Variants in RBMS3 observed in about 807,000 individuals in gnomAD.
The protein encoded by RBMS3 is RNA binding motif single stranded interacting protein 3.
A neutral mutation model predicts 66.8 loss-of-function variants in RBMS3; 27 were observed. The observed-to-expected ratio is 0.40, with a 90% CI of 0.30 to 0.56. RBMS3 has a LOEUF of 0.56. Among genes scored for constraint, RBMS3 ranks in the 20% least tolerant of loss-of-function variants. The probability of loss-of-function intolerance (pLI) is 0.40; values close to 1 mark genes in which losing one functional copy is unlikely to be tolerated. For missense variants in RBMS3, 513 were observed against 549.5 expected (o/e 0.93, Z 0.66); for synonymous variants, 188 against 183.0 (o/e 1.03, Z -0.22).
intron 5 of RBMS3, among the ~76,000 whole-genome samples, chr3:29,753,594 A>G (rs1008361320): frequency 6.6e-6 from 1 of 152,222 alleles, no homozygotes; most frequent in Non-Finnish European, 1.5e-5. Context: ...GTGACTTGTC[A>G]GCCATTGCAC....
intron 1 of RBMS3, among the ~76,000 whole-genome samples, chr3:29,315,940 G>A (rs1376368671): frequency 1.3e-5 from 2 of 151,590 alleles, no homozygotes; most frequent in Non-Finnish European, 3.0e-5. Context: ...TCTTTTTCTA[G>A]CTTCTTGAGA....
intron 1 of RBMS3, among the ~76,000 whole-genome samples, chr3:29,414,387 A>G (rs1441360103): frequency 6.6e-6 from 1 of 152,220 alleles, no homozygotes; most frequent in Non-Finnish European, 1.5e-5. Flanking sequence ...TTCTCTAAAA[A>G]TAACCACCAA....
chr3:29,596,370 G>A (rs2047942686), intron 4 of RBMS3, among the ~76,000 whole-genome samples: 1 of 152,168 alleles, frequency 6.6e-6, no homozygotes, highest in East Asian at 1.9e-4. Flanking sequence ...TGTGCTCTGA[G>A]ATGCTCTTCA....
intron 5 of RBMS3, among the ~76,000 whole-genome samples, chr3:29,740,361 C>T (rs1310846533): frequency 6.6e-6 from 1 of 152,084 alleles, no homozygotes; most frequent in Non-Finnish European, 1.5e-5. Flanking sequence ...GAAGACCCAG[C>T]AAACTCAGAA....
rs78295606 is a variant in RBMS3 at position 29,311,308 on chromosome 3, C to T, written c.75+29552C>T. Among the ~76,000 whole-genome samples the T allele has an allele frequency of 5.0e-4, 76 of 151,786 alleles. No homozygotes were observed. The East Asian group carries it at 0.013, about 26-fold the overall frequency. On this transcript the variant is annotated intron_variant, in intron 1 of 14. Coordinates refer to ENST00000383767, the MANE Select transcript of RBMS3 (RefSeq NM_001003793.3). ...TTCTCTGAATTGAAATTGAGATCTC[C>T]GATCAGCCTAGGTTTGAAAAATCTA...
chr3:29,883,170 G>C (rs947503726), intron 7 of RBMS3, among the ~76,000 whole-genome samples: 6 of 152,034 alleles, frequency 3.9e-5, no homozygotes, highest in African/African-American at 1.4e-4. Context: ...ACAAAGGATG[G>C]TATGCCCATA....
intron 1 of RBMS3, among the ~76,000 whole-genome samples, chr3:29,286,896 G>T (rs2032391463): frequency 6.6e-6 from 1 of 152,042 alleles, no homozygotes; most frequent in Non-Finnish European, 1.5e-5. Context: ...AGAGTAAATG[G>T]TTGATGTTTA....
At chr3:29,707,790 A>C (rs541175593) in intron 4 of RBMS3, among the ~76,000 whole-genome samples, 3 of 152,250 alleles carry the variant, frequency 2.0e-5, no homozygotes, top group Non-Finnish European at 4.4e-5. Flanking sequence ...GAATGGAAAG[A>C]CTATCAAGTG....
At chr3:29,412,248 C>G (rs1023656637) in intron 1 of RBMS3, among the ~76,000 whole-genome samples, 1 of 152,070 alleles carries the variant, frequency 6.6e-6, no homozygotes, top group South Asian at 2.1e-4. Context: ...TTCTCCCTGG[C>G]CAGTGATGAA....
At chr3:29,960,729 G>C (rs1447149526) in intron 12 of RBMS3, among the ~76,000 whole-genome samples, 1 of 152,144 alleles carries the variant, frequency 6.6e-6, no homozygotes, top group African/African-American at 2.4e-5. Context: ...ACACCACGTG[G>C]AAGCTGCCAA....
At chr3:29,295,286 T>C (rs1253192675) in intron 1 of RBMS3, among the ~76,000 whole-genome samples, 1 of 4,268 alleles carries the variant, frequency 2.3e-4, no homozygotes, top group African/African-American at 6.9e-4. Context: ...TATATATATA[T>C]ATATATATAC....
chr3:29,992,894 G>A (rs888760916), intron 14 of RBMS3, among the ~76,000 whole-genome samples: 1 of 152,114 alleles, frequency 6.6e-6, no homozygotes, highest in Admixed American at 6.5e-5. Context: ...CTAAAACTAG[G>A]CTATAAAGAA....
chr3:29,375,272 C>G (rs2125610498), intron 1 of RBMS3, among the ~76,000 whole-genome samples: 1 of 152,192 alleles, frequency 6.6e-6, no homozygotes, highest in Non-Finnish European at 1.5e-5. Flanking sequence ...AAAATCTAGG[C>G]AATAACATTC....
intron 3 of RBMS3, among the ~76,000 whole-genome samples, chr3:29,514,114 A>G (rs2044519354): frequency 6.6e-6 from 1 of 152,244 alleles, no homozygotes; most frequent in South Asian, 2.1e-4. Context: ...TAGGAAGCAT[A>G]TAATAGATTG....
intron 11 of RBMS3, among the ~76,000 whole-genome samples, chr3:29,938,104 A>G (rs1472461984): frequency 6.6e-6 from 1 of 152,004 alleles, no homozygotes; most frequent in African/African-American, 2.4e-5. Flanking sequence ...GTAGAAATAT[A>G]AGAGCTAGTT....
intron 5 of RBMS3, among the ~76,000 whole-genome samples, chr3:29,758,135 A>G (rs2055506979): frequency 6.6e-6 from 1 of 152,206 alleles, no homozygotes; most frequent in South Asian, 2.1e-4. Context: ...GTTATATTCC[A>G]TTTTTGAAAA....
intron 1 of RBMS3, among the ~76,000 whole-genome samples, chr3:29,421,253 A>G (rs1297989766): frequency 4.6e-5 from 7 of 152,212 alleles, no homozygotes. Context: ...TGGAATGTAT[A>G]AATGTATTAC....
At chr3:29,827,834 A>C (rs565333401) in intron 6 of RBMS3, among the ~76,000 whole-genome samples, 1 of 152,284 alleles carries the variant, frequency 6.6e-6, no homozygotes, top group African/African-American at 2.4e-5. Context: ...AGGCTACATA[A>C]AACAGACCAA....
chr3:29,512,777 A>G (rs2044465190), intron 3 of RBMS3, among the ~76,000 whole-genome samples: 1 of 152,232 alleles, frequency 6.6e-6, no homozygotes, highest in Non-Finnish European at 1.5e-5. Context: ...CATGTGAACA[A>G]TACTGTGTGC....
Sources: allele counts gnomAD v4.1 joint callset (sites outside exome capture counted in the v4.1 genomes callset), GRCh38; gene constraint gnomAD v4.1.1; transcripts MANE v1.5; gene names NCBI Gene and HGNC (gene_info 2026-07-23, HGNC 2026-07-21).